FHOD3: variants seen among roughly 807,000 people sequenced by gnomAD.
FHOD3 encodes formin homology 2 domain containing 3.
FHOD3 carries 90 observed loss-of-function variants against 173.0 expected under a neutral mutation model. The ratio of observed to expected loss-of-function variants is 0.52; its 90% CI spans 0.44 to 0.62. The LOEUF is 0.62. Among genes scored for constraint, FHOD3 ranks in the 20% least tolerant of loss-of-function variants. FHOD3 has a pLI of 0.00. For synonymous variants in FHOD3, 828 were observed against 823.0 expected (o/e 1.01, Z -0.10); for missense variants, 1,945 against 2,034.7 (o/e 0.96, Z 0.85).
At chr18:36,425,056 T>A (rs1242530349) in intron 3 of FHOD3, among the ~76,000 whole-genome samples, 1 of 152,146 alleles carries the variant, frequency 6.6e-6, no homozygotes, top group African/African-American at 2.4e-5. Flanking sequence ...AGGGAAAAGG[T>A]GAAAATTCTT....
intron 3 of FHOD3, among the ~76,000 whole-genome samples, chr18:36,393,088 G>A (rs1248904160): frequency 6.6e-6 from 1 of 152,246 alleles, no homozygotes; most frequent in African/African-American, 2.4e-5. Context: ...CAGAAATGCT[G>A]CAGCCAGCTC....
At chr18:36,618,326 T>C (rs2148702771) in intron 9 of FHOD3, among the ~76,000 whole-genome samples, 2 of 144,460 alleles carry the variant, frequency 1.4e-5, no homozygotes, top group East Asian at 4.0e-4. Flanking sequence ...TTTTTTTTTT[T>C]TTTTTTTGAG....
intron 5 of FHOD3, among the ~76,000 whole-genome samples, chr18:36,531,291 C>T (rs2056768260): frequency 6.6e-6 from 1 of 152,198 alleles, no homozygotes; most frequent in Admixed American, 6.5e-5. Flanking sequence ...GCCACATGAC[C>T]ATGGCCCAGT....
At chr18:36,623,971 T>C (rs989068620) in intron 9 of FHOD3, among the ~76,000 whole-genome samples, 1 of 152,242 alleles carries the variant, frequency 6.6e-6, no homozygotes, top group Non-Finnish European at 1.5e-5. Flanking sequence ...GTTAAAGCCA[T>C]ATACTGTGGT....
chr18:36,760,422 A>G (rs1221556635), intron 26 of FHOD3, among the ~76,000 whole-genome samples, 186 bp from the exon 27 acceptor site: 1 of 152,176 alleles, frequency 6.6e-6, no homozygotes, highest in South Asian at 2.1e-4. Flanking sequence ...TTTCTGTCTC[A>G]TATTAGATCT....
At chr18:36,544,580 C>A (rs986684618) in intron 5 of FHOD3, 1 of 152,322 alleles carries the variant, frequency 6.6e-6, no homozygotes, top group Non-Finnish European at 1.5e-5. Flanking sequence ...TCTGGACTTG[C>A]CAAAGTTTTG....
intron 20 of FHOD3, among the ~76,000 whole-genome samples, chr18:36,735,480 C>G (rs1314194730): frequency 6.6e-6 from 1 of 152,220 alleles, no homozygotes; most frequent in Non-Finnish European, 1.5e-5. Flanking sequence ...GTGCTAGAAA[C>G]TAGAGGTAGC....
intron 25 of FHOD3, among the ~76,000 whole-genome samples, chr18:36,756,599 G>A (rs2042644210): frequency 6.6e-6 from 1 of 152,160 alleles, no homozygotes; most frequent in Admixed American, 6.5e-5. Context: ...AGGGCACTTG[G>A]TTACTGCTCT....
intron 14 of FHOD3, among the ~76,000 whole-genome samples, chr18:36,673,372 A>G (rs2037655019): frequency 6.6e-6 from 1 of 152,236 alleles, no homozygotes; most frequent in Admixed American, 6.5e-5. Flanking sequence ...ATGATCAAGT[A>G]TGTAATTTTG....
chr18:36,525,885 A>G lies in FHOD3; in HGVS notation c.511+13342A>G, dbSNP rs1338479726. Among the ~76,000 whole-genome samples the G allele has an allele frequency of 2.0e-5, 3 of 152,338 alleles. No individual in the cohort carries two copies. In the East Asian group the frequency reaches 5.8e-4, roughly 29 times the overall value. On this transcript the variant is annotated intron_variant, in intron 5 of 28. Coordinates refer to ENST00000590592, the MANE Select transcript of FHOD3 (RefSeq NM_001281740.3). Reference sequence around the variant, plus strand: ...CACACAAAAGAGTGACTAATGGAGAAGGCAATTTATAAGAAAATTTGGTGT... The same window carrying G: ...CACACAAAAGAGTGACTAATGGAGAGGGCAATTTATAAGAAAATTTGGTGT...
rs71168224 is a variant in FHOD3 at position 36,437,682 on chromosome 18, T to TTTTTTTTTTTTTA, written c.338-64250_338-64249insTTTTTTTTTTTTA. 7.9e-4 allele frequency among the ~76,000 whole-genome samples: 103 copies of TTTTTTTTTTTTTA among 129,620 alleles called. 5 individuals carry two copies. The highest frequency in any genetic ancestry group is 1.1e-3 in the Non-Finnish European group (66 of 60,600). 85.0% of individuals were successfully genotyped at this position (129,620 alleles called of 152,430 possible). On this transcript the variant is annotated intron_variant, in intron 3 of 28. Coordinates refer to ENST00000590592, the MANE Select transcript of FHOD3 (RefSeq NM_001281740.3). ...CTTTCTTTCTTTTTTTTTTTTTTTT[T>TTTTTTTTTTTTTA]AAGACAGAGTCTTGCTCTGTCGCCA...
At chr18:36,347,006 C>T (rs777314011) in intron 1 of FHOD3, among the ~76,000 whole-genome samples, 7 of 152,204 alleles carry the variant, frequency 4.6e-5, no homozygotes, top group Non-Finnish European at 1.0e-4. Context: ...CCTGAACTGC[C>T]ACCAGCTGTT....
chr18:36,424,382 C>T (rs2050138989), intron 3 of FHOD3, among the ~76,000 whole-genome samples: 1 of 151,838 alleles, frequency 6.6e-6, no homozygotes. Context: ...TTTTTAGCAA[C>T]GTGTATGTTG....
intron 3 of FHOD3, among the ~76,000 whole-genome samples, chr18:36,491,919 C>T (rs557971077): frequency 6.6e-6 from 1 of 152,176 alleles, no homozygotes; most frequent in East Asian, 1.9e-4. Context: ...AAGTTTTAGC[C>T]ATTATGAATA....
chr18:36,474,865 G>T (rs1051061191), intron 3 of FHOD3, among the ~76,000 whole-genome samples: 1 of 152,054 alleles, frequency 6.6e-6, no homozygotes, highest in African/African-American at 2.4e-5. Context: ...CTGGACTTTT[G>T]AAAGTTTGGC....
rs1377212624 is a variant in FHOD3 at position 36,603,875 on chromosome 18, C to G, written c.813+1107C>G. Among the ~76,000 whole-genome samples the G allele has an allele frequency of 3.3e-5, 5 of 152,156 alleles. No individual in the cohort carries two copies. In the East Asian group the frequency reaches 9.6e-4, roughly 29 times the overall value. On this transcript the variant is annotated intron_variant, in intron 8 of 28. Coordinates refer to ENST00000590592, the MANE Select transcript of FHOD3 (RefSeq NM_001281740.3). ...GAAGTTTTACTCTAAGAAAATTGTTCACATGTCAGGAAGACACGAGGTGCA... is the reference window on the plus strand; with the variant it reads ...GAAGTTTTACTCTAAGAAAATTGTTGACATGTCAGGAAGACACGAGGTGCA...
At chr18:36,468,844 CTAGCAAGGGTGCAGGCAATGGTAA>C (rs1459581079) in intron 3 of FHOD3, among the ~76,000 whole-genome samples, 1 of 152,142 alleles carries the variant, frequency 6.6e-6, no homozygotes, top group Admixed American at 6.5e-5. Context: ...CAGCTGAGAG[CTAGCAAGGGTGCAGGCAATGGTAA>C]TCCCACCGAC....
chr18:36,672,804 A>C (rs2037617385), intron 14 of FHOD3, among the ~76,000 whole-genome samples: 1 of 152,240 alleles, frequency 6.6e-6, no homozygotes, highest in Non-Finnish European at 1.5e-5. Flanking sequence ...TGTTGAGTTT[A>C]AAGTTACTCA....
At chr18:36,760,477 G>C in intron 26 of FHOD3, 131 bp from the exon 27 acceptor site, 1 of 782,362 alleles carries the variant, frequency 1.3e-6, no homozygotes, top group East Asian at 2.9e-5. Context: ...TTCAGTGACT[G>C]CCGTAATGAA....
Sources: gnomAD v4.1 joint callset for allele counts (sites outside exome capture counted in the v4.1 genomes callset) on GRCh38, gnomAD v4.1.1 for gene constraint, MANE v1.5 for transcripts, NCBI Gene and HGNC (gene_info 2026-07-23, HGNC 2026-07-21) for gene names.